The following ATP9B variants were observed in gnomAD, a reference collection of about 807,000 sequenced individuals.
The protein encoded by ATP9B is probable phospholipid-transporting ATPase IIB.
A neutral mutation model predicts 146.1 loss-of-function variants in ATP9B; 110 were observed. The observed-to-expected ratio is 0.75, with a 90% CI of 0.65 to 0.88. ATP9B has a LOEUF of 0.88. Among genes scored for constraint, ATP9B ranks in the 40% least tolerant of loss-of-function variants. ATP9B has a pLI of 0.00. For missense variants in ATP9B, 1,499 were observed against 1,496.4 expected (o/e 1.00, Z -0.03); for synonymous variants, 604 against 569.7 (o/e 1.06, Z -0.86).
At position 79,242,573 on chromosome 18, in the gene ATP9B, T is replaced by A. The variant is rs534323648; in HGVS notation, c.1108-10808T>A. ...TTTCTGCCCCTCCAACTGGAAATTA[T>A]TTGCTTTATTGTAGAGTGTCAACTT... is the stretch of plus-strand genomic sequence containing the variant. On this transcript the variant is annotated intron_variant, in intron 11 of 29. Coordinates refer to ENST00000426216, the MANE Select transcript of ATP9B (RefSeq NM_198531.5). 6.6e-5 allele frequency among the ~76,000 whole-genome samples: 10 copies of A among 152,376 alleles called. No individual in the cohort carries two copies. In the South Asian group the frequency reaches 1.4e-3, roughly 22 times the overall value.
intron 5 of ATP9B, among the ~76,000 whole-genome samples, chr18:79,133,243 C>A (rs1426859078): frequency 2.0e-5 from 3 of 152,092 alleles, no homozygotes; most frequent in African/African-American, 7.2e-5. Flanking sequence ...GACACCTGAG[C>A]AGCATTTGAA....
intron 6 of ATP9B, among the ~76,000 whole-genome samples, chr18:79,153,312 A>G (rs1025897141): frequency 1.3e-5 from 2 of 152,182 alleles, no homozygotes; most frequent in Non-Finnish European, 2.9e-5. Context: ...TATTAGTGAT[A>G]ATAATTAAAT....
At chr18:79,235,350 TAA>T (rs1344163372) in intron 11 of ATP9B, among the ~76,000 whole-genome samples, 1 of 152,240 alleles carries the variant, frequency 6.6e-6, no homozygotes, top group Non-Finnish European at 1.5e-5. Flanking sequence ...TAGAGCAATA[TAA>T]ACTAGACTCC....
chr18:79,069,974 C>T (rs2071530652), intron 1 of ATP9B, among the ~76,000 whole-genome samples: 1 of 152,168 alleles, frequency 6.6e-6, no homozygotes, highest in Non-Finnish European at 1.5e-5. Flanking sequence ...GACTTCTCTT[C>T]GACATTTCGA....
At chr18:79,144,836 C>A in intron 6 of ATP9B, 1 of 153,162 alleles carries the variant, frequency 6.5e-6, no homozygotes, top group South Asian at 2.0e-4. Flanking sequence ...AGTTATATTA[C>A]ACATAATTAT....
chr18:79,120,164 A>G (rs979724876), intron 4 of ATP9B, among the ~76,000 whole-genome samples: 3 of 152,188 alleles, frequency 2.0e-5, no homozygotes, highest in African/African-American at 7.2e-5. Flanking sequence ...CAGTGCCAGC[A>G]ACACCATCAT....
intron 7 of ATP9B, among the ~76,000 whole-genome samples, chr18:79,162,478 A>G (rs1417554140): frequency 6.6e-6 from 1 of 152,218 alleles, no homozygotes; most frequent in Non-Finnish European, 1.5e-5. Flanking sequence ...ATTTTCATCA[A>G]TCTCTTATAA....
At chr18:79,306,917 A>C in intron 14 of ATP9B, 69 bp from the exon 15 acceptor site, 1 of 1,539,314 alleles carries the variant, frequency 6.5e-7, no homozygotes, top group Non-Finnish European at 8.8e-7. Context: ...ATATATGTTA[A>C]TAATTCCATG....
chr18:79,344,710 G>C (rs1314453096), intron 21 of ATP9B, among the ~76,000 whole-genome samples: 2 of 152,238 alleles, frequency 1.3e-5, no homozygotes, highest in Non-Finnish European at 2.9e-5. Context: ...CACATTGAGA[G>C]CCTGAAAGCT....
At chr18:79,276,630 A>G (rs1480124091) in intron 12 of ATP9B, among the ~76,000 whole-genome samples, 1 of 152,126 alleles carries the variant, frequency 6.6e-6, no homozygotes, top group African/African-American at 2.4e-5. Flanking sequence ...ATACGGGCAC[A>G]CTCACAACAG....
chr18:79,270,981 C>T (rs1040278710), intron 12 of ATP9B, among the ~76,000 whole-genome samples: 23 of 152,102 alleles, frequency 1.5e-4, no homozygotes, highest in Non-Finnish European at 3.1e-4. Context: ...AGCAGAAGGC[C>T]GGGAGTTGGC....
intron 4 of ATP9B, among the ~76,000 whole-genome samples, chr18:79,123,277 C>T (rs113325556): frequency 6.6e-6 from 1 of 151,866 alleles, no homozygotes; most frequent in African/African-American, 2.4e-5. Flanking sequence ...TAGCAGTGAC[C>T]ATCCCAAAAT....
At chr18:79,165,839 A>G (rs550619786) in intron 7 of ATP9B, among the ~76,000 whole-genome samples, 1 of 152,144 alleles carries the variant, frequency 6.6e-6, no homozygotes, top group African/African-American at 2.4e-5. Flanking sequence ...CCAATTCCTG[A>G]CAGGCTTGGC....
At chr18:79,306,888 T>C (rs2096622842) in intron 14 of ATP9B, 98 bp from the exon 15 acceptor site, 7 of 1,361,222 alleles carry the variant, frequency 5.1e-6, no homozygotes, top group Non-Finnish European at 7.0e-6. Context: ...TATTTCTAGC[T>C]ACTTTGCTTG....
intron 7 of ATP9B, among the ~76,000 whole-genome samples, chr18:79,157,479 G>C (rs1461324163): frequency 2.0e-5 from 3 of 148,378 alleles, no homozygotes; most frequent in African/African-American, 7.5e-5. Context: ...TTTTGTTTTG[G>C]TGTCAGGGTA....
chr18:79,342,041 G>A (rs1020679093), intron 19 of ATP9B, among the ~76,000 whole-genome samples: 2 of 152,158 alleles, frequency 1.3e-5, no homozygotes, highest in African/African-American at 2.4e-5. Context: ...TTCACTCAGC[G>A]TAATGTCCTC....
At chr18:79,292,694 C>T (rs967694220) in intron 13 of ATP9B, among the ~76,000 whole-genome samples, 3 of 151,146 alleles carry the variant, frequency 2.0e-5, no homozygotes, top group South Asian at 2.1e-4. Flanking sequence ...GACATGCATC[C>T]GAGGAATGTG....
At chr18:79,071,473 C>T (rs1231802857) in intron 1 of ATP9B, among the ~76,000 whole-genome samples, 29 of 133,074 alleles carry the variant, frequency 2.2e-4, no homozygotes, top group Non-Finnish European at 3.1e-5. Flanking sequence ...TAGCTCATTA[C>T]AGCTTTGATC....
intron 12 of ATP9B, among the ~76,000 whole-genome samples, chr18:79,276,472 T>G (rs1313353017): frequency 6.6e-6 from 1 of 152,270 alleles, no homozygotes; most frequent in Non-Finnish European, 1.5e-5. Context: ...GTTTAGCTCC[T>G]GAAACACGGG....
Sources: gnomAD v4.1 joint callset for allele counts (sites outside exome capture counted in the v4.1 genomes callset) on GRCh38, gnomAD v4.1.1 for gene constraint, MANE v1.5 for transcripts, NCBI Gene and HGNC (gene_info 2026-07-23, HGNC 2026-07-21) for gene names.